The following GULP1 variants were observed in gnomAD, a reference collection of about 807,000 sequenced individuals.
The protein encoded by GULP1 is GULP PTB domain containing engulfment adaptor 1.
Under a neutral mutation model 40.9 loss-of-function variants are expected in GULP1, and 19 were observed. The observed-to-expected ratio is 0.46, with a 90% confidence interval of 0.32 to 0.68. The LOEUF is 0.68. Ranked by LOEUF, GULP1 falls within the 30% of genes least tolerant of loss-of-function variation. The pLI is 0.03. For synonymous variants in GULP1, 119 were observed against 117.6 expected (o/e 1.01, Z -0.08); for missense variants, 312 against 362.2 (o/e 0.86, Z 1.12).
rs1217932812 is a variant in GULP1 at position 188,572,828 on chromosome 2, G to A, written c.609+2708G>A. Among the ~76,000 whole-genome samples, 3 of 152,168 alleles carry A rather than the reference G, an allele frequency of 2.0e-5. No individual in the cohort carries two copies. The East Asian group carries it at 5.8e-4, about 29-fold the overall frequency. ...AAAGTCAAACTCATAGAAGCAGAGA[G>A]TAGACTAGTGGTTGCTGGGGGCTGG... On this transcript the variant is annotated intron_variant, in intron 9 of 11. Coordinates refer to ENST00000409830, the MANE Select transcript of GULP1 (RefSeq NM_016315.4).
intron 1 of GULP1, among the ~76,000 whole-genome samples, chr2:188,302,629 AG>A (rs1324018465): frequency 6.6e-6 from 1 of 152,214 alleles, no homozygotes; most frequent in Non-Finnish European, 1.5e-5. Flanking sequence ...CTTTTAAGTA[AG>A]AGCTAGTGAC....
chr2:188,407,945 G>A (rs573304571), intron 2 of GULP1, among the ~76,000 whole-genome samples: 1 of 152,274 alleles, frequency 6.6e-6, no homozygotes, highest in African/African-American at 2.4e-5. Context: ...GTAAAAGGAT[G>A]CAAAAAGAAA....
chr2:188,330,246 A>G (rs2041382558), intron 1 of GULP1, among the ~76,000 whole-genome samples: 1 of 152,188 alleles, frequency 6.6e-6, no homozygotes, highest in South Asian at 2.1e-4. Context: ...AAACTTATCT[A>G]TTTTATAATT....
intron 1 of GULP1, among the ~76,000 whole-genome samples, chr2:188,375,413 A>C (rs886184303): frequency 6.6e-5 from 10 of 152,210 alleles, no homozygotes; most frequent in African/African-American, 2.4e-4. Flanking sequence ...GGACTGGAAA[A>C]ATTAAACTAA....
intron 7 of GULP1, among the ~76,000 whole-genome samples, chr2:188,560,669 T>C (rs1039166801): frequency 1.3e-5 from 2 of 152,092 alleles, no homozygotes; most frequent in East Asian, 3.9e-4. Context: ...GTTTAATTGG[T>C]TCACAATTCT....
chr2:188,554,121 A>G (rs977162528), intron 7 of GULP1, among the ~76,000 whole-genome samples: 1 of 151,352 alleles, frequency 6.6e-6, no homozygotes, highest in African/African-American at 2.4e-5. Context: ...GATCTTGTGT[A>G]TTTTTTTAGT....
At chr2:188,376,372 G>A (rs377495368) in intron 1 of GULP1, among the ~76,000 whole-genome samples, 4 of 152,042 alleles carry the variant, frequency 2.6e-5, no homozygotes, top group Admixed American at 6.6e-5. Flanking sequence ...TTTAAATTAC[G>A]TTATTTTATG....
At chr2:188,318,321 G>A (rs1418529001) in intron 1 of GULP1, among the ~76,000 whole-genome samples, 1 of 152,046 alleles carries the variant, frequency 6.6e-6, no homozygotes, top group Admixed American at 6.6e-5. Context: ...ATAGCTAGTA[G>A]GAAAATTTCT....
intron 2 of GULP1, among the ~76,000 whole-genome samples, chr2:188,448,875 C>A (rs1030176346): frequency 6.6e-6 from 1 of 152,098 alleles, no homozygotes; most frequent in Admixed American, 6.5e-5. Flanking sequence ...CCTTTTTCCT[C>A]CTTCTCTGGC....
intron 1 of GULP1, among the ~76,000 whole-genome samples, chr2:188,349,506 C>G (rs1026386677): frequency 2.6e-5 from 4 of 152,082 alleles, no homozygotes; most frequent in Non-Finnish European, 1.5e-5. Flanking sequence ...TATTGGATAT[C>G]TTTTCATGTG....
At chr2:188,583,841 T>TA (rs1420517513) in intron 9 of GULP1, among the ~76,000 whole-genome samples, 2 of 152,236 alleles carry the variant, frequency 1.3e-5, no homozygotes, top group South Asian at 2.1e-4. Context: ...GCAGGTCACT[T>TA]ATGTCTAATT....
intron 1 of GULP1, among the ~76,000 whole-genome samples, chr2:188,329,718 G>A (rs918499908): frequency 5.3e-5 from 8 of 152,148 alleles, no homozygotes; most frequent in African/African-American, 1.7e-4. Flanking sequence ...AAAGATGGAA[G>A]CAGGGAGGCC....
At chr2:188,584,243 A>G (rs751439906) in intron 9 of GULP1, 22 bp from the exon 10 acceptor site, 1 of 1,542,134 alleles carries the variant, frequency 6.5e-7, no homozygotes. Context: ...ATATTACCCT[A>G]ATTCATTTAT....
chr2:188,380,583 G>T (rs1446306809), intron 1 of GULP1, among the ~76,000 whole-genome samples: 1 of 151,958 alleles, frequency 6.6e-6, no homozygotes, highest in Non-Finnish European at 1.5e-5. Context: ...TCAGGGCCAA[G>T]ATCTTATTTT....
At chr2:188,546,822 G>C (rs1361257520) in intron 7 of GULP1, among the ~76,000 whole-genome samples, 1 of 151,924 alleles carries the variant, frequency 6.6e-6, no homozygotes, top group African/African-American at 2.4e-5. Flanking sequence ...AAGAACAAAA[G>C]AGGGAGAAGA....
chr2:188,451,403 T>C (rs528362665), intron 2 of GULP1, among the ~76,000 whole-genome samples: 42 of 152,164 alleles, frequency 2.8e-4, no homozygotes, highest in Non-Finnish European at 5.4e-4. Context: ...ATGAGAAAAC[T>C]CCAGATTTAT....
At chr2:188,443,274 T>C (rs950865343) in intron 2 of GULP1, among the ~76,000 whole-genome samples, 9 of 152,264 alleles carry the variant, frequency 5.9e-5, no homozygotes, top group Non-Finnish European at 1.2e-4. Context: ...AAATTGGACA[T>C]GTGCTTCTAG....
intron 1 of GULP1, among the ~76,000 whole-genome samples, chr2:188,383,145 C>T (rs986447207): frequency 4.6e-5 from 7 of 151,994 alleles, no homozygotes; most frequent in Admixed American, 6.6e-5. Flanking sequence ...GCGGTACATT[C>T]GAAATAATAT....
intron 2 of GULP1, among the ~76,000 whole-genome samples, chr2:188,438,498 ATAAT>A (rs1334246911): frequency 9.3e-5 from 14 of 151,044 alleles, no homozygotes; most frequent in Non-Finnish European, 1.9e-4. Context: ...AATTATTAAT[ATAAT>A]TATTCTATTA....
Sources: allele counts gnomAD v4.1 joint callset (sites outside exome capture counted in the v4.1 genomes callset), GRCh38; gene constraint gnomAD v4.1.1; transcripts MANE v1.5; gene names NCBI Gene and HGNC (gene_info 2026-07-23, HGNC 2026-07-21).